GRIK2: variants seen among roughly 807,000 people sequenced by gnomAD.
GRIK2 encodes glutamate ionotropic receptor kainate type subunit 2.
A neutral mutation model predicts 100.3 loss-of-function variants in GRIK2; 32 were observed. That is an observed-to-expected ratio of 0.32 (90% confidence interval 0.24 to 0.43). The LOEUF is 0.43. Ranked by LOEUF, GRIK2 falls within the 20% of genes least tolerant of loss-of-function variation. GRIK2 has a pLI of 1.00. For synonymous variants in GRIK2, 417 were observed against 389.4 expected (o/e 1.07, Z -0.83); for missense variants, 843 against 1,114.9 (o/e 0.76, Z 3.47).
intron 7 of GRIK2, 58 bp downstream of exon 7, chr6:101,686,411 T>G (rs1252367076): frequency 7.5e-7 from 1 of 1,330,392 alleles, no homozygotes; most frequent in South Asian, 1.3e-5. Context: ...TGCATACATA[T>G]GAACTTCTGG....
rs369819868 is a variant in GRIK2 at position 101,399,379 on chromosome 6, T to C, written c.102T>C (p.His34=). The change falls in exon 2 of 17, where the codon CAT becomes CAC. Residue 34 remains histidine, a synonymous_variant. Coordinates refer to ENST00000369134, the MANE Select transcript of GRIK2 (RefSeq NM_021956.5). ...LWIGYSQGTT[H]VLRFGGIFEY... ...TTGGATATTCTCAAGGAACCACACA[T>C]GTATTAAGATTTGGTAAGATTCCCC... 50 of 1,515,788 alleles carry C rather than the reference T, an allele frequency of 3.3e-5. No individual in the cohort carries two copies. In the African/African-American group the frequency reaches 5.2e-4, roughly 16 times the overall value. The allele number at this position is 1,515,788 out of a possible 1,614,324, so 93.9% of individuals were successfully genotyped here.
chr6:101,982,777 C>T (rs1340064616), intron 14 of GRIK2, among the ~76,000 whole-genome samples: 1 of 151,452 alleles, frequency 6.6e-6, no homozygotes. Context: ...ATCCAAGTGG[C>T]ACCACTTACA....
chr6:101,655,829 C>G (rs1369690437), intron 4 of GRIK2, among the ~76,000 whole-genome samples: 1 of 152,010 alleles, frequency 6.6e-6, no homozygotes, highest in African/African-American at 2.4e-5. Flanking sequence ...TTTAGGAGTT[C>G]CCTACAGAAT....
intron 2 of GRIK2, among the ~76,000 whole-genome samples, chr6:101,462,042 G>A (rs768540317): frequency 7.2e-5 from 11 of 152,014 alleles, no homozygotes; most frequent in Admixed American, 6.6e-4. Flanking sequence ...GTGATCTTGG[G>A]GAATTTATGT....
chr6:102,005,883 A>G (rs1795193972), intron 14 of GRIK2, among the ~76,000 whole-genome samples: 3 of 151,920 alleles, frequency 2.0e-5, no homozygotes, highest in Admixed American at 2.0e-4. Flanking sequence ...GATTCTTCTA[A>G]AGCCTCTCTC....
chr6:101,552,125 T>C (rs1188651859), intron 2 of GRIK2, among the ~76,000 whole-genome samples: 1 of 152,154 alleles, frequency 6.6e-6, no homozygotes, highest in Non-Finnish European at 1.5e-5. Context: ...TATCTACTTG[T>C]ACTTTAGAAA....
chr6:102,019,572 A>G (rs901316014), intron 14 of GRIK2, among the ~76,000 whole-genome samples: 6 of 152,032 alleles, frequency 3.9e-5, no homozygotes, highest in Non-Finnish European at 8.8e-5. Context: ...TTTACTCTTC[A>G]GCTTTCCTAA....
intron 10 of GRIK2, among the ~76,000 whole-genome samples, chr6:101,856,346 T>C (rs984322295): frequency 1.3e-5 from 2 of 152,168 alleles, no homozygotes; most frequent in Non-Finnish European, 2.9e-5. Flanking sequence ...ACAAGAATTA[T>C]ATTTGGGACA....
intron 7 of GRIK2, among the ~76,000 whole-genome samples, chr6:101,790,238 A>G (rs1310710066): frequency 6.6e-6 from 1 of 151,592 alleles, no homozygotes; most frequent in Non-Finnish European, 1.5e-5. Context: ...ACCTTCCAAC[A>G]CTATATTGAA....
chr6:101,650,341 G>T (rs1204694455), intron 4 of GRIK2, among the ~76,000 whole-genome samples: 3 of 152,242 alleles, frequency 2.0e-5, no homozygotes, highest in East Asian at 1.9e-4. Flanking sequence ...CACCAGAGGG[G>T]TCACCAATGT....
At chr6:101,858,381 TTTTTC>T (rs1165842227) in intron 10 of GRIK2, among the ~76,000 whole-genome samples, 1 of 147,642 alleles carries the variant, frequency 6.8e-6, no homozygotes, top group East Asian at 2.0e-4. Context: ...TCTCTATTTT[TTTTTC>T]TTTTTTTTTT....
intron 14 of GRIK2, chr6:101,993,493 T>C (rs528299672): frequency 4.6e-5 from 7 of 151,298 alleles, no homozygotes; most frequent in Non-Finnish European, 8.9e-5. Flanking sequence ...GATTCAAAGA[T>C]GATAAAATAT....
chr6:102,051,953 C>T (rs1771221877), intron 15 of GRIK2, among the ~76,000 whole-genome samples: 1 of 152,134 alleles, frequency 6.6e-6, no homozygotes, highest in East Asian at 1.9e-4. Flanking sequence ...TCTTTGTTTG[C>T]CAACATACAG....
chr6:101,793,590 C>T (rs1012346685), intron 7 of GRIK2, among the ~76,000 whole-genome samples: 11 of 152,142 alleles, frequency 7.2e-5, no homozygotes, highest in South Asian at 2.1e-4. Context: ...AGGAGTATCT[C>T]GCCATGTGAG....
At chr6:101,797,642 GTAAA>G (rs1384197737) in intron 7 of GRIK2, among the ~76,000 whole-genome samples, 1 of 144,378 alleles carries the variant, frequency 6.9e-6, no homozygotes, top group African/African-American at 2.5e-5. Context: ...TATTTATAAA[GTAAA>G]TATATATTAT....
At chr6:101,564,738 A>G (rs1434952083) in intron 2 of GRIK2, among the ~76,000 whole-genome samples, 1 of 152,086 alleles carries the variant, frequency 6.6e-6, no homozygotes, top group Non-Finnish European at 1.5e-5. Context: ...CCTACCTCAC[A>G]GCTCCTTCAG....
intron 12 of GRIK2, among the ~76,000 whole-genome samples, chr6:101,909,712 G>T (rs1338423011): frequency 1.4e-5 from 2 of 143,198 alleles, no homozygotes; most frequent in Non-Finnish European, 3.0e-5. Context: ...GTGTATGTGT[G>T]TAAGTGTGTT....
intron 2 of GRIK2, among the ~76,000 whole-genome samples, chr6:101,418,025 A>T (rs970885035): frequency 2.0e-5 from 3 of 152,162 alleles, no homozygotes; most frequent in African/African-American, 7.2e-5. Flanking sequence ...CTGTGTGTTT[A>T]TTGACTACTA....
chr6:101,912,207 T>C (rs777399276), intron 12 of GRIK2, among the ~76,000 whole-genome samples: 1 of 151,312 alleles, frequency 6.6e-6, no homozygotes, highest in Non-Finnish European at 1.5e-5. Flanking sequence ...GGTATACGGC[T>C]AACTTGCACA....
Sources: allele counts gnomAD v4.1 joint callset (sites outside exome capture counted in the v4.1 genomes callset), GRCh38; gene constraint gnomAD v4.1.1; transcripts MANE v1.5; gene names NCBI Gene and HGNC (gene_info 2026-07-23, HGNC 2026-07-21).